The following TMEM254 variants were observed in gnomAD, a reference collection of about 807,000 sequenced individuals.
The protein encoded by TMEM254 is transmembrane protein C10orf57.
A neutral mutation model predicts 13.9 loss-of-function variants in TMEM254; 16 were observed. The ratio of observed to expected loss-of-function variants is 1.15; its 90% CI spans 0.78 to 1.75. The LOEUF is 1.75. Ranked by LOEUF, TMEM254 falls within the 40% of genes most tolerant of loss-of-function variation. TMEM254 has a pLI of 0.00. For synonymous variants in TMEM254, 61 were observed against 56.4 expected, an observed-to-expected ratio of 1.08 and a Z score of -0.36; for missense variants, 155 against 149.0, an observed-to-expected ratio of 1.04 and a Z score of -0.21.
rs1041459072 is a variant in TMEM254, at chr10:80,089,849, CA to C, written c.252-942del. 8.2e-4 allele frequency among the ~76,000 whole-genome samples: 124 copies of C among 151,328 alleles called. No homozygotes were observed. In the Middle Eastern group the frequency reaches 0.017, roughly 21 times the overall value. ...AAACCCCATCTCTACTAAAGAAATACAAAAAATTAGCCAGGCGTGGTGGCGG... is the reference window on the plus strand; with the variant it reads ...AAACCCCATCTCTACTAAAGAAATACAAAAATTAGCCAGGCGTGGTGGCGG... On this transcript the variant is annotated intron_variant, in intron 3 of 3. Transcript: ENST00000372281.
Position 80,078,730 on chromosome 10 carries a change from C to T in TMEM254, c.31C>T (p.Gln11Ter), listed in dbSNP as rs1178542930. 3.7e-6 allele frequency: 6 copies of T among 1,607,766 alleles called. No individual in the cohort carries two copies. Among genetic ancestry groups the T allele is most frequent in the Non-Finnish European group, 5.1e-6 (6 of 1,177,866 alleles). MATAAGATYF[Q>*]RGSLFWFTVI... ...TACGGCAGCCGGCGCGACCTACTTTCAGCGAGGCAGTCTGTTCTGGTTCAC... is the reference window on the plus strand; with the variant it reads ...TACGGCAGCCGGCGCGACCTACTTTTAGCGAGGCAGTCTGTTCTGGTTCAC... Residue 11 changes from glutamine (Q) to a stop codon, truncating the protein, a stop_gained, in exon 1 of 4, where the codon CAG becomes TAG. Transcript: ENST00000372281. LOFTEE classifies it high-confidence loss of function.
chr10:80,081,415 C>T (rs1844015454), intron 1 of TMEM254, among the ~76,000 whole-genome samples: 1 of 152,074 alleles, frequency 6.6e-6, no homozygotes, highest in African/African-American at 2.4e-5. Context: ...GCCTGTAATC[C>T]CAGCACTTTG....
chr10:80,090,806 C>T lies in TMEM254; in HGVS notation c.261C>T (p.Gly87=). ...GTTTTTTCTGTTTTAGGCATAAAGG[C>T]ATCACAAGTGGTCGGGCTCAGCTAC... is the stretch of plus-strand genomic sequence containing the variant. ...LYAIVLCKHK[G]ITSGRAQLLW... is the part of the protein sequence containing the mutation. Residue 87 remains glycine (G), a synonymous_variant, in exon 4 of 4, where the codon GGC becomes GGT. Transcript: ENST00000372281. 2 of 1,613,416 alleles carry T rather than the reference C, an allele frequency of 1.2e-6. No individual in the cohort carries two copies. The highest frequency in any genetic ancestry group is 1.7e-6 in the Non-Finnish European group (2 of 1,179,860).
Position 80,081,885 on chromosome 10 carries a change from G to A in TMEM254, c.132G>A (p.Gly44=), listed in dbSNP as rs746270586. Residue 44 remains glycine, a synonymous_variant, in exon 2 of 4, where the codon GGG becomes GGA. Transcript: ENST00000372281. ...WPQSIPYQNL[G]PLGPFTQYLV... is the part of the protein sequence containing the mutation. ...AGAGTATCCCTTATCAGAACCTTGG[G>A]CCCCTGGGCCCCTTCACTCAGTACT... is the stretch of plus-strand genomic sequence containing the variant. The A allele has an allele frequency of 5.6e-6, 9 of 1,614,062 alleles. No homozygotes were observed. In the Admixed American group the frequency reaches 1.2e-4, roughly 21 times the overall value.
intron 3 of TMEM254, among the ~76,000 whole-genome samples, chr10:80,083,473 G>T (rs1424694329): frequency 1.3e-5 from 2 of 152,118 alleles, no homozygotes; most frequent in Non-Finnish European, 2.9e-5. Context: ...CCCTCTCCAA[G>T]TAAATTTGTT....
At chr10:80,086,002 A>G (rs1213696049) in intron 3 of TMEM254, among the ~76,000 whole-genome samples, 1 of 152,192 alleles carries the variant, frequency 6.6e-6, no homozygotes, top group African/African-American at 2.4e-5. Flanking sequence ...TAGAAACAGA[A>G]AAGAAGTTCT....
chr10:80,084,807 AATTTTT>A lies in TMEM254; in HGVS notation c.251+2620_251+2625del, dbSNP rs1274862275. On this transcript the variant is annotated intron_variant, in intron 3 of 3. Coordinates refer to ENST00000372281, the MANE Select transcript of TMEM254 (RefSeq NM_025125.4). Reference sequence around the variant, plus strand: ...TATCTGATGAAAACCAAAATACAAAAATTTTTATTTTTATTTTTATTTATTTTTTTC... The same window carrying A: ...TATCTGATGAAAACCAAAATACAAAAATTTTTATTTTTATTTATTTTTTTC... 2.6e-5 allele frequency among the ~76,000 whole-genome samples: 4 copies of A among 151,948 alleles called. No homozygotes were observed. The East Asian group carries it at 5.8e-4, about 22-fold the overall frequency.
At chr10:80,082,719 A>C (rs1221695984) in intron 3 of TMEM254, among the ~76,000 whole-genome samples, 1 of 152,182 alleles carries the variant, frequency 6.6e-6, no homozygotes. Context: ...GCTAGTTAAA[A>C]GCCCCCAAAC....
At position 80,081,741 on chromosome 10, in the gene TMEM254, G is replaced by A. The variant is rs113804973; in HGVS notation, c.88-100G>A. ...ACTGTTCAGAGTTTCTTCGGTCTGT[G>A]GTAATTTTTTTACTGTTTCACAGCC... On this transcript the variant is annotated intron_variant, in intron 1 of 3. Coordinates refer to ENST00000372281, the MANE Select transcript of TMEM254 (RefSeq NM_025125.4). The A allele has an allele frequency of 8.6e-4, 1,387 of 1,609,530 alleles. 13 individuals carry two copies. The African/African-American group carries it at 0.016, about 19-fold the overall frequency.
chr10:80,079,996 A>G (rs1488807078), intron 1 of TMEM254, among the ~76,000 whole-genome samples: 2 of 152,194 alleles, frequency 1.3e-5, no homozygotes, highest in Non-Finnish European at 2.9e-5. Flanking sequence ...GAGATTGGAG[A>G]TTTGTCTTGT....
intron 3 of TMEM254, among the ~76,000 whole-genome samples, chr10:80,083,129 G>T (rs1844132187): frequency 8.1e-6 from 1 of 123,078 alleles, no homozygotes; most frequent in Non-Finnish European, 1.6e-5. Flanking sequence ...TTTTTTGAGA[G>T]GGAATCTTGC....
chr10:80,081,738 T>A (rs2132274378), intron 1 of TMEM254, 103 bp from the exon 2 acceptor site: 24 of 1,609,180 alleles, frequency 1.5e-5, no homozygotes, highest in Non-Finnish European at 2.0e-5. Context: ...TTCTTCGGTC[T>A]GTGGTAATTT....
At chr10:80,083,710 A>G (rs1461217928) in intron 3 of TMEM254, among the ~76,000 whole-genome samples, 6 of 152,134 alleles carry the variant, frequency 3.9e-5, no homozygotes, top group Admixed American at 3.9e-4. Context: ...CTTCTCCTCT[A>G]TTCACTAATA....
chr10:80,088,550 A>G (rs1844423155), intron 3 of TMEM254, among the ~76,000 whole-genome samples: 2 of 151,470 alleles, frequency 1.3e-5, no homozygotes, highest in African/African-American at 4.8e-5. Flanking sequence ...TAATATATAT[A>G]TAATTTTTAA....
chr10:80,091,724 G>A lies in TMEM254; in HGVS notation c.*807G>A, dbSNP rs1226184631. 1 of 152,172 alleles carries A rather than the reference G, an allele frequency of 6.6e-6. No homozygotes were observed. The highest frequency in any genetic ancestry group is 2.1e-4 in the South Asian group (1 of 4,822). The allele number at this position is 152,172 out of a possible 1,614,324, so 9.4% of individuals were successfully genotyped here. A position where few individuals can be genotyped will look rare whatever the true frequency, so the allele number is the denominator to read the frequency against. On this transcript the variant is annotated 3_prime_UTR_variant, in exon 4 of 4. Coordinates refer to ENST00000372281, the MANE Select transcript of TMEM254 (RefSeq NM_025125.4). Reference sequence around the variant, plus strand: ...CACCTGTCCCACTATCTTGCACACAGGTGCTCTAACCATGTTTATTGAACA... The same window carrying A: ...CACCTGTCCCACTATCTTGCACACAAGTGCTCTAACCATGTTTATTGAACA...
chr10:80,082,090 T>A, intron 2 of TMEM254, 55 bp from the exon 3 acceptor site: 1 of 1,603,394 alleles, frequency 6.2e-7, no homozygotes, highest in Non-Finnish European at 8.5e-7. Flanking sequence ...TGTGTTAGAT[T>A]TCATCAGCAG....
chr10:80,082,530 A>G (rs908798675), intron 3 of TMEM254, among the ~76,000 whole-genome samples: 2 of 152,208 alleles, frequency 1.3e-5, no homozygotes, highest in Admixed American at 1.3e-4. Flanking sequence ...CAAAAGAGCT[A>G]AGTGACTGAC....
intron 3 of TMEM254, among the ~76,000 whole-genome samples, chr10:80,085,877 CT>C (rs1410272870): frequency 2.0e-5 from 3 of 152,122 alleles, no homozygotes; most frequent in African/African-American, 7.2e-5. Context: ...GGCTTATTCT[CT>C]TAGTTCAGAA....
In TMEM254 at chr10:80,081,994, T is replaced by C. The variant is rs1186805847; in HGVS notation, c.191+50T>C. ...TGTGGACACTGGAGCTCTGGTCTCATGGGAAACCTGGAAGGCCTGCAGCTG... is the reference window on the plus strand; with the variant it reads ...TGTGGACACTGGAGCTCTGGTCTCACGGGAAACCTGGAAGGCCTGCAGCTG... On this transcript the variant is annotated intron_variant, in intron 2 of 3. Transcript: ENST00000372281. 9 of 1,594,138 alleles carry C rather than the reference T, an allele frequency of 5.6e-6. No individual in the cohort carries two copies. The Admixed American group carries it at 6.8e-5, about 12-fold the overall frequency.
Sources: gnomAD v4.1 joint callset for allele counts (sites outside exome capture counted in the v4.1 genomes callset) on GRCh38, gnomAD v4.1.1 for gene constraint, MANE v1.5 for transcripts, NCBI Gene and HGNC (gene_info 2026-07-23, HGNC 2026-07-21) for gene names.